Variants in NSD2 observed in about 807,000 individuals in gnomAD.
The protein encoded by NSD2 is histone-lysine N-methyltransferase NSD2.
A neutral mutation model predicts 139.0 loss-of-function variants in NSD2; 12 were observed. The ratio of observed to expected loss-of-function variants is 0.09; its 90% CI spans 0.06 to 0.14. The LOEUF (loss-of-function observed/expected upper bound fraction) is 0.14, where lower values mean the gene tolerates loss of function less well. Ranked by LOEUF, NSD2 falls within the 10% of genes least tolerant of loss-of-function variation. NSD2 has a pLI of 1.00. For missense variants in NSD2, 1,155 were observed against 1,745.0 expected (o/e 0.66, Z 6.02); for synonymous variants, 669 against 648.7 (o/e 1.03, Z -0.48).
chr4:1,922,127 A>G (rs1048974512), intron 5 of NSD2, among the ~76,000 whole-genome samples: 3 of 152,246 alleles, frequency 2.0e-5, no homozygotes, highest in Non-Finnish European at 2.9e-5. Context: ...AGCCTAGACA[A>G]TAGAATGAGT....
At chr4:1,911,856 C>A (rs2108783329) in intron 3 of NSD2, among the ~76,000 whole-genome samples, 1 of 152,274 alleles carries the variant, frequency 6.6e-6, no homozygotes, top group Admixed American at 6.5e-5. Context: ...AACTTGGGAT[C>A]AGATTACAAT....
intron 3 of NSD2, among the ~76,000 whole-genome samples, chr4:1,915,963 G>A (rs762054309): frequency 5.3e-5 from 8 of 152,100 alleles, no homozygotes; most frequent in Non-Finnish European, 1.0e-4. Flanking sequence ...GACTTCAGTG[G>A]AATCTGGTAC....
In NSD2 at chr4:1,940,985, C is replaced by G. The variant is rs1364432177; in HGVS notation, c.1881+1207C>G. 8 of 1,058,254 alleles carry G rather than the reference C, an allele frequency of 7.6e-6. No individual in the cohort carries two copies. In the African/African-American group the frequency reaches 1.2e-4, roughly 15 times the overall value. 65.6% of individuals were successfully genotyped at this position (1,058,254 alleles called of 1,614,324 possible). Reference sequence around the variant, plus strand: ...CGAGACCTGTTCACGGATGGTGGGACTGGGGCTGCTTTACAGTTTGATACG... The same window carrying G: ...CGAGACCTGTTCACGGATGGTGGGAGTGGGGCTGCTTTACAGTTTGATACG... On this transcript the variant is annotated intron_variant, in intron 9 of 21. Coordinates refer to ENST00000508803, the MANE Select transcript of NSD2 (RefSeq NM_001042424.3).
intron 11 of NSD2, 66 bp downstream of exon 11, chr4:1,952,297 C>G (rs1724352226): frequency 6.3e-7 from 1 of 1,598,880 alleles, no homozygotes; most frequent in South Asian, 1.1e-5. Context: ...CCCCCTGCAC[C>G]AAGTCCTGCC....
chr4:1,956,064 T>G lies in NSD2; in HGVS notation c.2757T>G (p.Pro919=). The change falls in exon 15 of 22, where the codon CCT becomes CCG. Residue 919 remains proline, a synonymous_variant. Coordinates refer to ENST00000508803, the MANE Select transcript of NSD2 (RefSeq NM_001042424.3). The surrounding 1 kb of genome is among the most constrained non-coding windows in gnomAD (Gnocchi z 5.3). ...QKMKHEIGEF[P]VFFFGSKDYY... ...TGAAGCACGAGATTGGAGAATTCCC[T>G]GTGTTTTTCTTTGGGTCTAAAGATT... 1 of 1,614,034 alleles carries G rather than the reference T, an allele frequency of 6.2e-7. No homozygotes were observed. The highest frequency in any genetic ancestry group is 8.5e-7 in the Non-Finnish European group (1 of 1,180,034).
intron 7 of NSD2, 43 bp from the exon 8 acceptor site, chr4:1,938,408 T>TTTG: frequency 8.3e-7 from 1 of 1,208,050 alleles, no homozygotes; most frequent in Non-Finnish European, 1.1e-6. Context: ...TTTCTTTTTT[T>TTTG]TTTCTTTCTT....
intron 19 of NSD2, 57 bp from the exon 20 acceptor site, chr4:1,975,237 G>C: frequency 6.4e-7 from 1 of 1,558,604 alleles, no homozygotes; most frequent in Non-Finnish European, 8.8e-7. Flanking sequence ...ACGCCCCTTA[G>C]CTTTTGAAGA....
chr4:1,930,382 C>T (rs1207858174), intron 5 of NSD2, among the ~76,000 whole-genome samples: 1 of 152,170 alleles, frequency 6.6e-6, no homozygotes, highest in Non-Finnish European at 1.5e-5. Flanking sequence ...TCATTTCCAA[C>T]ATTTACAGAA....
chr4:1,931,046 C>G (rs1019124368), intron 6 of NSD2, among the ~76,000 whole-genome samples: 2 of 152,084 alleles, frequency 1.3e-5, no homozygotes, highest in Admixed American at 1.3e-4. Flanking sequence ...GTCACTGCTG[C>G]TGATGGGGCT....
chr4:1,901,177 T>C lies in NSD2; in HGVS notation c.523T>C (p.Tyr175His). 6.2e-7 allele frequency: 1 copy of C among 1,613,432 alleles called. No homozygotes were observed. Among genetic ancestry groups the C allele is most frequent in the Non-Finnish European group, 8.5e-7 (1 of 1,179,742 alleles). The change falls in exon 2 of 22, where the codon TAT (tyrosine) becomes CAT (histidine). Residue 175 changes from tyrosine to histidine, a missense_variant. Tyr to His is a moderately conservative substitution (Grantham distance 83). Around this residue, in one of 8 missense-constraint regions of NSD2, gnomAD observed 246 missense variants for 262.8 expected, o/e 0.94. Coordinates refer to ENST00000508803, the MANE Select transcript of NSD2 (RefSeq NM_001042424.3). ...AAGGAACAGGAAGAGGAGCATAAAA[T>C]ATGACTCCTTGCTGGAGCAGGGCCT... is the stretch of plus-strand genomic sequence containing the variant. Reference protein sequence around the residue: ...ARRNRKRSIKYDSLLEQGLVE... With the variant: ...ARRNRKRSIKHDSLLEQGLVE...
chr4:1,970,905 A>T (rs564647195), intron 18 of NSD2, among the ~76,000 whole-genome samples: 1 of 152,278 alleles, frequency 6.6e-6, no homozygotes, highest in African/African-American at 2.4e-5. Context: ...CTGAAAGCCC[A>T]TAGAAACAAG....
Position 1,958,748 on chromosome 4 carries a change from A to G in NSD2, c.2985+712A>G, listed in dbSNP as rs1725081272. ...TTATATAATATTTTCTTTGGGATGG[A>G]TTCCCAGAAACAGAATCACAGGGTC... is the stretch of plus-strand genomic sequence containing the variant. On this transcript the variant is annotated intron_variant, in intron 16 of 21. Transcript: ENST00000508803. The surrounding 1 kb of genome is among the most constrained non-coding windows in gnomAD (Gnocchi z 4.6). 6.6e-6 allele frequency among the ~76,000 whole-genome samples: 1 copy of G among 152,244 alleles called. No homozygotes were observed.
intron 1 of NSD2, among the ~76,000 whole-genome samples, chr4:1,888,967 G>A (rs1171809760): frequency 6.7e-6 from 1 of 150,044 alleles, no homozygotes; most frequent in Non-Finnish European, 1.5e-5. Flanking sequence ...GCATGATCTC[G>A]GCTCACTTGA....
At chr4:1,918,797 A>G in intron 5 of NSD2, 174 bp downstream of exon 5, 1 of 899,554 alleles carries the variant, frequency 1.1e-6, no homozygotes, top group Non-Finnish European at 1.6e-6. Flanking sequence ...TTGAGGGAAA[A>G]GATACTCGAC....
chr4:1,878,063 A>G (rs891632975), intron 1 of NSD2, among the ~76,000 whole-genome samples: 1 of 150,706 alleles, frequency 6.6e-6, no homozygotes, highest in African/African-American at 2.4e-5. Flanking sequence ...TATTATATAT[A>G]TACACACACA....
At chr4:1,909,954 A>G (rs1363222673) in intron 3 of NSD2, among the ~76,000 whole-genome samples, 1 of 152,094 alleles carries the variant, frequency 6.6e-6, no homozygotes, top group African/African-American at 2.4e-5. Flanking sequence ...TAAAAAAAAA[A>G]AAAATTATTT....
rs543029267 is a variant in NSD2 at position 1,958,149 on chromosome 4, A to G, written c.2985+113A>G. 1.7e-5 allele frequency: 18 copies of G among 1,055,394 alleles called. No homozygotes were observed. The Middle Eastern group carries it at 9.7e-4, about 57-fold the overall frequency. 65.4% of individuals were successfully genotyped at this position (1,055,394 alleles called of 1,614,324 possible). The stretch of plus-strand genomic sequence containing the variant: ...GGGGAGAGGACTGTCACCAGCCAGG[A>G]TCTGTGGTGCCTGGCATGGATGGCC... On this transcript the variant is annotated intron_variant, in intron 16 of 21. Coordinates refer to ENST00000508803, the MANE Select transcript of NSD2 (RefSeq NM_001042424.3). The surrounding 1 kb of genome is among the most constrained non-coding windows in gnomAD (Gnocchi z 4.6).
At chr4:1,901,923 C>T (rs916192689) in intron 2 of NSD2, among the ~76,000 whole-genome samples, 2 of 152,182 alleles carry the variant, frequency 1.3e-5, no homozygotes, top group Non-Finnish European at 2.9e-5. Flanking sequence ...GGTGGTGCTG[C>T]TCCATTCTGC....
chr4:1,976,252 CAA>C lies in NSD2; in HGVS notation c.3622-221_3622-220del. The C allele has an allele frequency of 1.8e-6, 1 of 567,782 alleles. No individual in the cohort carries two copies. The highest frequency in any genetic ancestry group is 3.1e-5 in the Admixed American group (1 of 31,908). 35.2% of individuals were successfully genotyped at this position (567,782 alleles called of 1,614,324 possible). On this transcript the variant is annotated intron_variant, in intron 20 of 21. Coordinates refer to ENST00000508803, the MANE Select transcript of NSD2 (RefSeq NM_001042424.3). This position sits in a 1 kb window ranked among gnomAD's most constrained non-coding sequence, Gnocchi z 5.3. ...GAGATGCGTCATTGCAGGCTTCCGA[CAA>C]AGCTCACTCTAGTCGTAGTCTTTGT...
Sources: gnomAD v4.1 joint callset for allele counts (sites outside exome capture counted in the v4.1 genomes callset) on GRCh38, gnomAD v4.1.1 for gene constraint, gnomAD v4.1.1 regional missense constraint, Gnocchi (gnomAD v3.1) non-coding constraint, MANE v1.5 for transcripts, NCBI Gene and HGNC (gene_info 2026-07-23, HGNC 2026-07-21) for gene names.